MIR2052HG: variants seen among roughly 807,000 people sequenced by gnomAD.
MIR2052HG encodes MIR2052 host gene.
intron 2 of MIR2052HG, among the ~76,000 whole-genome samples, chr8:74,644,414 C>T (rs1196922266): frequency 2.0e-5 from 3 of 152,196 alleles, no homozygotes; most frequent in African/African-American, 7.2e-5. Flanking sequence ...CAATAGGCTA[C>T]ACCATCTAGC....
chr8:74,686,197 T>A (rs1411583257), intron 2 of MIR2052HG, among the ~76,000 whole-genome samples: 3 of 151,944 alleles, frequency 2.0e-5, no homozygotes, highest in East Asian at 3.8e-4. Context: ...TTCTCAAAGC[T>A]GAATTTTATA....
intron 5 of MIR2052HG, among the ~76,000 whole-genome samples, chr8:74,754,813 C>G (rs1223557533): frequency 6.6e-6 from 1 of 152,178 alleles, no homozygotes. Context: ...TTTATTTTGT[C>G]CCATTGTACC....
intron 4 of MIR2052HG, among the ~76,000 whole-genome samples, chr8:74,708,341 G>A (rs576354218): frequency 3.3e-5 from 5 of 152,196 alleles, no homozygotes; most frequent in South Asian, 4.1e-4. Flanking sequence ...TAGAAATAGC[G>A]GGGCATTCCA....
intron 2 of MIR2052HG, among the ~76,000 whole-genome samples, chr8:74,657,353 C>T (rs543462920): frequency 6.6e-6 from 1 of 152,256 alleles, no homozygotes; most frequent in East Asian, 1.9e-4. Context: ...ACCACTTCAT[C>T]ATTCCCCTAT....
At chr8:74,630,089 G>A (rs1808487618) in intron 2 of MIR2052HG, among the ~76,000 whole-genome samples, 1 of 152,208 alleles carries the variant, frequency 6.6e-6, no homozygotes, top group East Asian at 1.9e-4. Context: ...TTATGTCATA[G>A]TGGAAGTTCA....
chr8:74,746,590 G>T (rs1462331050), intron 4 of MIR2052HG, among the ~76,000 whole-genome samples: 1 of 706 alleles, frequency 1.4e-3, no homozygotes, highest in African/African-American at 3.0e-3. Context: ...GTGTGTGTGT[G>T]TGTGTGTGTC....
intron 2 of MIR2052HG, among the ~76,000 whole-genome samples, chr8:74,700,838 G>A (rs554975790): frequency 4.9e-4 from 74 of 152,082 alleles, no homozygotes; most frequent in South Asian, 1.7e-3. Context: ...AAATTCCAAA[G>A]CAAAGTGATT....
chr8:74,717,173 G>A (rs1299808000), intron 4 of MIR2052HG, among the ~76,000 whole-genome samples: 3 of 151,240 alleles, frequency 2.0e-5, no homozygotes, highest in African/African-American at 7.3e-5. Context: ...CCGACCCCCT[G>A]AAAGACCCTT....
At chr8:74,713,752 T>G (rs562884060) in intron 4 of MIR2052HG, among the ~76,000 whole-genome samples, 20 of 152,294 alleles carry the variant, frequency 1.3e-4, no homozygotes, top group African/African-American at 4.3e-4. Context: ...AAATTTGCAT[T>G]ATAAATTTTG....
chr8:74,623,223 A>G (rs1025638019), intron 2 of MIR2052HG, among the ~76,000 whole-genome samples: 1 of 152,220 alleles, frequency 6.6e-6, no homozygotes, highest in Non-Finnish European at 1.5e-5. Flanking sequence ...CAATATATAC[A>G]TACATTAAAA....
chr8:74,637,728 T>C (rs1808598286), intron 2 of MIR2052HG, among the ~76,000 whole-genome samples: 1 of 152,144 alleles, frequency 6.6e-6, no homozygotes, highest in African/African-American at 2.4e-5. Flanking sequence ...TGGGACCTCA[T>C]GTTTACAGAT....
intron 4 of MIR2052HG, among the ~76,000 whole-genome samples, chr8:74,741,241 T>C (rs931131953): frequency 2.0e-5 from 3 of 152,186 alleles, no homozygotes; most frequent in Admixed American, 2.0e-4. Flanking sequence ...CCAACTCAGT[T>C]TCATCAGTGT....
At chr8:74,684,039 A>T (rs1327753217) in intron 2 of MIR2052HG, among the ~76,000 whole-genome samples, 2 of 152,062 alleles carry the variant, frequency 1.3e-5, no homozygotes, top group African/African-American at 2.4e-5. Context: ...CAAATCCCTT[A>T]AAATTTTTAT....
At chr8:74,661,250 G>A (rs1356477067) in intron 2 of MIR2052HG, among the ~76,000 whole-genome samples, 2 of 148,736 alleles carry the variant, frequency 1.3e-5, no homozygotes, top group African/African-American at 5.0e-5. Flanking sequence ...TGCCCAGGCT[G>A]GTGTGCTTAT....
At chr8:74,696,839 A>C (rs1475234399) in intron 2 of MIR2052HG, among the ~76,000 whole-genome samples, 3 of 147,266 alleles carry the variant, frequency 2.0e-5, no homozygotes, top group Admixed American at 1.4e-4. Flanking sequence ...AAAATGCCAC[A>C]AAAAAAAAAG....
intron 4 of MIR2052HG, among the ~76,000 whole-genome samples, chr8:74,744,956 T>C (rs1253634476): frequency 6.6e-6 from 1 of 152,086 alleles, no homozygotes; most frequent in Non-Finnish European, 1.5e-5. Flanking sequence ...TCAGGAAAAG[T>C]TCAATAGTTT....
At chr8:74,718,929 G>A (rs898440879) in intron 4 of MIR2052HG, among the ~76,000 whole-genome samples, 17 of 152,094 alleles carry the variant, frequency 1.1e-4, no homozygotes, top group Non-Finnish European at 2.4e-4. Context: ...TAATTTTGGA[G>A]GGACACAACC....
chr8:74,638,312 G>A (rs755982755), intron 2 of MIR2052HG, among the ~76,000 whole-genome samples: 1 of 152,104 alleles, frequency 6.6e-6, no homozygotes, highest in Non-Finnish European at 1.5e-5. Flanking sequence ...GCTAGAAGGG[G>A]CCAGTTGCAG....
intron 1 of MIR2052HG, chr8:74,603,241 G>A (rs1808051221): frequency 3.1e-6 from 4 of 1,311,290 alleles, no homozygotes; most frequent in Middle Eastern, 2.6e-4. Flanking sequence ...ATGGATCATG[G>A]GTGGTGGTGA....
Sources: gnomAD v4.1 joint callset for allele counts (sites outside exome capture counted in the v4.1 genomes callset) on GRCh38, gnomAD v4.1.1 for gene constraint, MANE v1.5 for transcripts, NCBI Gene and HGNC (gene_info 2026-07-23, HGNC 2026-07-21) for gene names.